SP2: variants seen among roughly 807,000 people sequenced by gnomAD.
SP2 encodes Sp2 transcription factor, also known as transcription factor Sp2.
SP2 carries 9 observed loss-of-function variants against 50.1 expected under a neutral mutation model. The ratio of observed to expected loss-of-function variants is 0.18; its 90% confidence interval spans 0.11 to 0.31. SP2 has a LOEUF of 0.31. SP2 is among the 10% of genes least tolerant of loss of function. The pLI is 1.00. For synonymous variants in SP2, 313 were observed against 326.6 expected, an observed-to-expected ratio of 0.96 and a Z score of 0.45; for missense variants, 581 against 806.5, an observed-to-expected ratio of 0.72 and a Z score of 3.39.
intron 3 of SP2, 48 bp downstream of exon 3, chr17:47,917,178 T>G: frequency 2.0e-6 from 3 of 1,525,424 alleles, no homozygotes; most frequent in African/African-American, 1.4e-5. Flanking sequence ...TGGTTATCTC[T>G]TTTTGGCTTG....
chr17:47,920,991 A>C (rs2035435100), intron 3 of SP2, among the ~76,000 whole-genome samples: 1 of 151,958 alleles, frequency 6.6e-6, no homozygotes, highest in Non-Finnish European at 1.5e-5. Flanking sequence ...GTCTATTTGT[A>C]ATGTTTTCAA....
At chr17:47,926,583 T>C (rs2035659161) in intron 6 of SP2, among the ~76,000 whole-genome samples, 1 of 152,036 alleles carries the variant, frequency 6.6e-6, no homozygotes, top group Non-Finnish European at 1.5e-5. Context: ...AAGTGAGATA[T>C]CACAGTTATA....
At chr17:47,913,359 G>A (rs1179775844) in intron 1 of SP2, among the ~76,000 whole-genome samples, 2 of 152,050 alleles carry the variant, frequency 1.3e-5, no homozygotes, top group Non-Finnish European at 2.9e-5. Context: ...CTTCCAAGCA[G>A]AATGCATCCT....
rs1307671071 is a variant in SP2, at chr17:47,925,404, C to T, written c.1604C>T (p.Thr535Met). The change falls in exon 6 of 7, where the codon ACG (threonine) becomes ATG (methionine). Residue 535 changes from threonine to methionine, a missense_variant. Thr to Met is a moderately conservative substitution (Grantham distance 81, BLOSUM62 -1). This residue lies in a region of SP2 where 184 missense variants were observed against 315.5 expected (regional missense o/e 0.58). Coordinates refer to ENST00000376741, the MANE Select transcript of SP2 (RefSeq NM_003110.6). ...HVCHIPDCGK[T>M]FRKTSLLRAH... ...TGCCACATCCCCGACTGTGGCAAGA[C>T]GTTCCGTAAGACGTCCTTGCTGCGT... 47 of 1,614,094 alleles carry T rather than the reference C, an allele frequency of 2.9e-5. No homozygotes were observed. Among genetic ancestry groups the T allele is most frequent in the South Asian group, 8.8e-5 (8 of 91,094 alleles).
At chr17:47,912,302 C>T (rs1488110843) in intron 1 of SP2, among the ~76,000 whole-genome samples, 1 of 152,218 alleles carries the variant, frequency 6.6e-6, no homozygotes, top group African/African-American at 2.4e-5. Context: ...CAGCTCCATA[C>T]ACATTTGCAG....
chr17:47,919,633 A>G (rs569671569), intron 3 of SP2, among the ~76,000 whole-genome samples: 6 of 151,996 alleles, frequency 3.9e-5, no homozygotes, highest in Non-Finnish European at 8.8e-5. Flanking sequence ...ACACAAGAAC[A>G]TTCTACATTA....
intron 1 of SP2, among the ~76,000 whole-genome samples, chr17:47,903,036 G>A (rs781258008): frequency 7.2e-5 from 11 of 152,314 alleles, no homozygotes; most frequent in East Asian, 1.9e-4. Flanking sequence ...GATTACAGGC[G>A]TGAGCCACAG....
At chr17:47,923,625 G>C (rs930999422) in intron 4 of SP2, among the ~76,000 whole-genome samples, 1 of 152,268 alleles carries the variant, frequency 6.6e-6, no homozygotes, top group African/African-American at 2.4e-5. Context: ...CTGCACTTCA[G>C]TTCAGTGGTG....
chr17:47,911,783 C>T (rs888578013), intron 1 of SP2, among the ~76,000 whole-genome samples: 1 of 148,420 alleles, frequency 6.7e-6, no homozygotes, highest in East Asian at 2.0e-4. Context: ...CCAACCTGGG[C>T]GACAGAGCGA....
At chr17:47,929,386 C>T (rs553464968), downstream of SP2, among the ~76,000 whole-genome samples, 1 of 152,316 alleles carries the variant, frequency 6.6e-6, no homozygotes, top group Admixed American at 6.5e-5. Context: ...GCTCAGTCCC[C>T]TCCAGAAGGC....
intron 6 of SP2, among the ~76,000 whole-genome samples, chr17:47,926,721 C>G (rs945238217): frequency 6.6e-6 from 1 of 151,456 alleles, no homozygotes; most frequent in South Asian, 2.1e-4. Context: ...CCTAGGAGTT[C>G]GAGACCAGCC....
chr17:47,927,556 A>G (rs983528315), intron 6 of SP2, among the ~76,000 whole-genome samples, 168 bp from the exon 7 acceptor site: 1 of 150,772 alleles, frequency 6.6e-6, no homozygotes, highest in Non-Finnish European at 1.5e-5. Context: ...AAAAAAAGAT[A>G]TAGATGAGTA....
At chr17:47,929,821 C>T (rs1567707706), downstream of SP2, 1 of 152,624 alleles carries the variant, frequency 6.6e-6, no homozygotes, top group Admixed American at 6.5e-5. Context: ...TTTCACTCAC[C>T]CTCGAAAGGA....
At chr17:47,901,082 C>T (rs1041450242) in intron 1 of SP2, among the ~76,000 whole-genome samples, 3 of 149,012 alleles carry the variant, frequency 2.0e-5, no homozygotes, top group East Asian at 1.9e-4. Context: ...ATGACAGTCA[C>T]GTTTTGGAAA....
In SP2 at chr17:47,909,589, AC is replaced by A. The variant is rs1447783954; in HGVS notation, c.8-5720del. On this transcript the variant is annotated intron_variant, in intron 1 of 6. Transcript: ENST00000376741. ...ACTTTAAAGCCATATATGCCTTTAAACCCTCGATGCAGTGATATAAATTATT... is the reference window on the plus strand; with the variant it reads ...ACTTTAAAGCCATATATGCCTTTAAACCTCGATGCAGTGATATAAATTATT... 3 of 454,184 alleles carry A rather than the reference AC, an allele frequency of 6.6e-6. No individual in the cohort carries two copies. The East Asian group carries it at 4.6e-4, about 70-fold the overall frequency. 28.1% of individuals were successfully genotyped at this position (454,184 alleles called of 1,614,324 possible).
At chr17:47,913,920 A>C (rs2035087578) in intron 1 of SP2, among the ~76,000 whole-genome samples, 1 of 152,248 alleles carries the variant, frequency 6.6e-6, no homozygotes, top group Non-Finnish European at 1.5e-5. Flanking sequence ...GATTATATTC[A>C]TATATAGAAA....
intron 4 of SP2, 86 bp downstream of exon 4, chr17:47,923,360 G>A: frequency 8.9e-7 from 1 of 1,119,942 alleles, no homozygotes; most frequent in Non-Finnish European, 1.3e-6. Flanking sequence ...GGGATTTCCA[G>A]TAACAATAGT....
intron 1 of SP2, among the ~76,000 whole-genome samples, chr17:47,901,855 T>G (rs2034554780): frequency 6.6e-6 from 1 of 152,192 alleles, no homozygotes; most frequent in Non-Finnish European, 1.5e-5. Flanking sequence ...ATTCATTCAC[T>G]TATTCAACAA....
chr17:47,925,792 G>C (rs1260785404), intron 6 of SP2, among the ~76,000 whole-genome samples: 1 of 151,796 alleles, frequency 6.6e-6, no homozygotes, highest in Non-Finnish European at 1.5e-5. Context: ...TGCCATGTCA[G>C]CATAGTTATT....
Sources: allele counts gnomAD v4.1 joint callset (sites outside exome capture counted in the v4.1 genomes callset), GRCh38; gene constraint gnomAD v4.1.1; regional missense constraint gnomAD v4.1.1; transcripts MANE v1.5; gene names NCBI Gene and HGNC (gene_info 2026-07-23, HGNC 2026-07-21).